The following RANBP17 variants were observed in gnomAD, a reference collection of about 807,000 sequenced individuals.
The protein encoded by RANBP17 is RAN binding protein 17, also known as ran-binding protein 17.
RANBP17 carries 158 observed loss-of-function variants against 141.2 expected under a neutral mutation model. That is an observed-to-expected ratio of 1.12 (90% CI 0.98 to 1.28). The LOEUF is 1.28. Ranked by LOEUF, RANBP17 falls within the 50% of genes most tolerant of loss-of-function variation. RANBP17 has a pLI of 0.00. For missense variants in RANBP17, 1,438 were observed against 1,290.7 expected, an observed-to-expected ratio of 1.11 and a Z score of -1.75; for synonymous variants, 430 against 450.0, an observed-to-expected ratio of 0.96 and a Z score of 0.56.
At chr5:171,297,367 A>G (rs1768881210) in intron 27 of RANBP17, among the ~76,000 whole-genome samples, 1 of 152,222 alleles carries the variant, frequency 6.6e-6, no homozygotes, top group African/African-American at 2.4e-5. Flanking sequence ...TGAATGATGG[A>G]GAAAAAGCAT....
chr5:171,205,007 C>T (rs929106091), intron 19 of RANBP17, among the ~76,000 whole-genome samples: 1 of 152,144 alleles, frequency 6.6e-6, no homozygotes, highest in African/African-American at 2.4e-5. Context: ...ATGTGACTGC[C>T]ATTCTGCGTA....
intron 14 of RANBP17, among the ~76,000 whole-genome samples, chr5:171,047,338 G>C (rs1782656526): frequency 6.6e-6 from 1 of 151,640 alleles, no homozygotes. Flanking sequence ...TTTTCTTAAT[G>C]GGTAATGATG....
intron 14 of RANBP17, among the ~76,000 whole-genome samples, chr5:171,072,970 T>A (rs544104738): frequency 1.3e-5 from 2 of 152,166 alleles, no homozygotes; most frequent in Non-Finnish European, 1.5e-5. Context: ...TAAAAGGCAG[T>A]GTATAGTATT....
At chr5:170,866,705 G>A (rs1767292271) in intron 1 of RANBP17, 1 of 151,878 alleles carries the variant, frequency 6.6e-6, no homozygotes, top group South Asian at 2.1e-4. Context: ...GACACTTAAA[G>A]TGGAAAGCAT....
chr5:171,088,537 G>C (rs993826200), intron 14 of RANBP17, among the ~76,000 whole-genome samples: 36 of 152,218 alleles, frequency 2.4e-4, no homozygotes, highest in African/African-American at 8.2e-4. Flanking sequence ...AAGTTCTCCT[G>C]GATAATATCC....
At chr5:171,061,374 T>C (rs1783836623) in intron 14 of RANBP17, among the ~76,000 whole-genome samples, 1 of 152,114 alleles carries the variant, frequency 6.6e-6, no homozygotes, top group Admixed American at 6.5e-5. Flanking sequence ...TTTGTTCTCA[T>C]TGGTTTCAAA....
rs371553098 is a variant in RANBP17 at position 171,264,174 on chromosome 5, G to T, written c.2777-1507G>T. ...AAAACAAATGTCGTATGTTCCCATT[G>T]ATAAGTGGGAGCTAAGCTATGAGGA... On this transcript the variant is annotated intron_variant, in intron 24 of 27. Transcript: ENST00000523189. Among the ~76,000 whole-genome samples the T allele has an allele frequency of 1.3e-3, 201 of 152,276 alleles. 9 individuals are homozygous for T. The South Asian group carries it at 0.04, about 30-fold the overall frequency.
intron 12 of RANBP17, among the ~76,000 whole-genome samples, chr5:170,934,402 G>A (rs1449014280): frequency 4.6e-5 from 7 of 152,072 alleles, no homozygotes; most frequent in South Asian, 2.1e-4. Context: ...TTGCTCATTC[G>A]TTGTTGCAGT....
chr5:171,236,639 A>G (rs1342802533), intron 22 of RANBP17, among the ~76,000 whole-genome samples: 1 of 152,176 alleles, frequency 6.6e-6, no homozygotes, highest in African/African-American at 2.4e-5. Flanking sequence ...TTACAGGAAA[A>G]AAAAAACTGA....
At chr5:170,875,996 C>T (rs1768146228) in intron 1 of RANBP17, among the ~76,000 whole-genome samples, 1 of 152,092 alleles carries the variant, frequency 6.6e-6, no homozygotes, top group Non-Finnish European at 1.5e-5. Context: ...TAGTCAGGTC[C>T]CTCTTCTGTG....
At chr5:170,943,925 A>G (rs1185187327) in intron 12 of RANBP17, among the ~76,000 whole-genome samples, 2 of 152,164 alleles carry the variant, frequency 1.3e-5, no homozygotes, top group South Asian at 4.1e-4. Flanking sequence ...AGTATTACTA[A>G]CTATAGTCCT....
intron 14 of RANBP17, among the ~76,000 whole-genome samples, chr5:171,091,431 C>T (rs963127567): frequency 6.6e-6 from 1 of 152,184 alleles, no homozygotes; most frequent in Admixed American, 6.5e-5. Context: ...TTTACAGGCT[C>T]ATAGGCAGAA....
intron 14 of RANBP17, among the ~76,000 whole-genome samples, chr5:171,104,669 C>T (rs1373088222): frequency 3.9e-5 from 6 of 152,120 alleles, no homozygotes; most frequent in Non-Finnish European, 8.8e-5. Flanking sequence ...TACTAACTGG[C>T]TCTTTTTCTT....
intron 22 of RANBP17, among the ~76,000 whole-genome samples, chr5:171,225,143 G>A (rs1402960111): frequency 6.6e-6 from 1 of 152,228 alleles, no homozygotes; most frequent in Non-Finnish European, 1.5e-5. Context: ...ATTTCATTCA[G>A]TCATACTGAC....
chr5:171,161,585 A>C (rs1435698846), intron 14 of RANBP17: 1 of 176,734 alleles, frequency 5.7e-6, no homozygotes, highest in African/African-American at 2.4e-5. Flanking sequence ...GTAGGCATGC[A>C]TTGTCTTCAT....
chr5:171,024,632 A>G (rs1161557750), intron 14 of RANBP17, among the ~76,000 whole-genome samples: 1 of 152,072 alleles, frequency 6.6e-6, no homozygotes, highest in Non-Finnish European at 1.5e-5. Context: ...CCTTCTAGAA[A>G]TCGTTTCTTC....
chr5:170,993,732 T>C (rs761621553), intron 14 of RANBP17, among the ~76,000 whole-genome samples: 6 of 152,054 alleles, frequency 3.9e-5, no homozygotes, highest in Non-Finnish European at 5.9e-5. Flanking sequence ...CTGTCACTTT[T>C]CTGGTTCAAT....
At chr5:171,182,783 A>G (rs944587877) in intron 16 of RANBP17, among the ~76,000 whole-genome samples, 8 of 30,834 alleles carry the variant, frequency 2.6e-4, no homozygotes, top group African/African-American at 1.1e-3. Flanking sequence ...TTGATAGCCT[A>G]TTATGGGTCT....
In RANBP17 at chr5:171,298,880, C is replaced by G; in HGVS notation, c.*22C>G. Reference sequence around the variant, plus strand: ...CTGACCCGACTTTTCTGACCATGTGCGGAGCAGCCTTTATCAAGAGACTCC... The same window carrying G: ...CTGACCCGACTTTTCTGACCATGTGGGGAGCAGCCTTTATCAAGAGACTCC... On this transcript the variant is annotated 3_prime_UTR_variant, in exon 28 of 28. Coordinates refer to ENST00000523189, the MANE Select transcript of RANBP17 (RefSeq NM_022897.5). 6.3e-7 allele frequency: 1 copy of G among 1,589,744 alleles called. No individual in the cohort carries two copies. The highest frequency in any genetic ancestry group is 8.6e-7 in the Non-Finnish European group (1 of 1,158,014).
Sources: gnomAD v4.1 joint callset for allele counts (sites outside exome capture counted in the v4.1 genomes callset) on GRCh38, gnomAD v4.1.1 for gene constraint, MANE v1.5 for transcripts, NCBI Gene and HGNC (gene_info 2026-07-23, HGNC 2026-07-21) for gene names.